Variants in AOPEP observed in about 807,000 individuals in gnomAD.
The protein encoded by AOPEP is aminopeptidase O.
A neutral mutation model predicts 98.1 loss-of-function variants in AOPEP; 77 were observed. The ratio of observed to expected loss-of-function variants is 0.78; its 90% confidence interval spans 0.65 to 0.95. The LOEUF (loss-of-function observed/expected upper bound fraction) is 0.95. Among genes scored for constraint, AOPEP ranks in the 40% least tolerant of loss-of-function variants. The probability of loss-of-function intolerance (pLI) is 0.00; values close to 1 mark genes in which losing one functional copy is unlikely to be tolerated. For synonymous variants in AOPEP, 346 were observed against 365.3 expected (o/e 0.95, Z 0.60); for missense variants, 1,024 against 1,024.7 (o/e 1.00, Z 0.01).
intron 1 of AOPEP, among the ~76,000 whole-genome samples, chr9:94,758,783 T>A (rs1564078221): frequency 6.6e-6 from 1 of 152,202 alleles, no homozygotes; most frequent in South Asian, 2.1e-4. Flanking sequence ...TTTCAAATAA[T>A]TTTTCTTTTA....
the AOPEP span, chr9:95,117,220 C>T: frequency 1.9e-6 from 2 of 1,068,738 alleles, no homozygotes; most frequent in African/African-American, 1.6e-5. Flanking sequence ...CTGTCTCCCT[C>T]ATGCTGTAGA....
chr9:94,926,636 C>T (rs971709043), intron 6 of AOPEP, among the ~76,000 whole-genome samples: 1 of 152,158 alleles, frequency 6.6e-6, no homozygotes, highest in Non-Finnish European at 1.5e-5. Flanking sequence ...GGGGGAGTGC[C>T]CTGTGGGGCA....
intron 1 of AOPEP, among the ~76,000 whole-genome samples, chr9:94,757,499 A>G (rs1051676835): frequency 4.6e-5 from 7 of 152,224 alleles, no homozygotes. Flanking sequence ...GCTTGAGTGG[A>G]TAGGGCTCTA....
intron 5 of AOPEP, among the ~76,000 whole-genome samples, chr9:94,858,186 A>G (rs2044474303): frequency 6.6e-6 from 1 of 152,050 alleles, no homozygotes; most frequent in Non-Finnish European, 1.5e-5. Flanking sequence ...GGCCTAGGGT[A>G]TGTATAGTGG....
intron 4 of AOPEP, among the ~76,000 whole-genome samples, chr9:94,800,496 T>G (rs1488318657): frequency 6.6e-6 from 1 of 152,226 alleles, no homozygotes; most frequent in Non-Finnish European, 1.5e-5. Flanking sequence ...CAACAAAGTT[T>G]ATTCTAAAAC....
chr9:95,086,542 GA>G, intron 16 of AOPEP, 139 bp from the exon 17 acceptor site: 1 of 1,009,106 alleles, frequency 9.9e-7, no homozygotes, highest in Non-Finnish European at 1.2e-6. Flanking sequence ...CCCGGAGACT[GA>G]AATGGGCCTG....
At chr9:95,009,914 TTC>T (rs531382961) in intron 13 of AOPEP, among the ~76,000 whole-genome samples, 13 of 152,174 alleles carry the variant, frequency 8.5e-5, no homozygotes, top group Admixed American at 7.2e-4. Context: ...AAATGATAAA[TTC>T]TGTTTTCCAA....
the AOPEP span, chr9:95,114,605 TG>T: frequency 3.1e-6 from 5 of 1,600,462 alleles, no homozygotes; most frequent in Non-Finnish European, 4.3e-6. Flanking sequence ...GAAGTAGATT[TG>T]GGAGTGGTCA....
intron 13 of AOPEP, among the ~76,000 whole-genome samples, chr9:95,052,099 A>G (rs186422160): frequency 4.5e-4 from 69 of 152,364 alleles, no homozygotes; most frequent in African/African-American, 1.6e-3. Context: ...GTGTTGCTAT[A>G]TAAATTTGCT....
At chr9:94,819,089 A>G (rs1852375343) in intron 5 of AOPEP, among the ~76,000 whole-genome samples, 1 of 152,248 alleles carries the variant, frequency 6.6e-6, no homozygotes, top group South Asian at 2.1e-4. Flanking sequence ...TAGACTATCC[A>G]AGCCCTATTT....
chr9:95,087,704 T>C (rs1019668251), downstream of AOPEP, among the ~76,000 whole-genome samples: 1 of 152,104 alleles, frequency 6.6e-6, no homozygotes, highest in African/African-American at 2.4e-5. Flanking sequence ...TCTGGTGGTA[T>C]GATTTTTCTT....
rs555935952 is a variant in AOPEP at position 94,885,722 on chromosome 9, G to A, written c.1365-38264G>A. Among the ~76,000 whole-genome samples, 233 of 152,248 alleles carry A rather than the reference G, an allele frequency of 1.5e-3. 1 individual carries two copies. Among genetic ancestry groups the A allele is most frequent in the Middle Eastern group, 3.4e-3 (1 of 294 alleles). On this transcript the variant is annotated intron_variant, in intron 5 of 16. Coordinates refer to ENST00000375315, the MANE Select transcript of AOPEP (RefSeq NM_001193329.3). Reference sequence around the variant, plus strand: ...ACATGGTTTTGCATTCTTGGGTTAAGAACCACTGGAATAGACAGATCAAGT... The same window carrying A: ...ACATGGTTTTGCATTCTTGGGTTAAAAACCACTGGAATAGACAGATCAAGT...
At chr9:95,052,331 G>C (rs1170552685) in intron 13 of AOPEP, among the ~76,000 whole-genome samples, 4 of 152,174 alleles carry the variant, frequency 2.6e-5, no homozygotes, top group Non-Finnish European at 5.9e-5. Context: ...TTTTATAGAA[G>C]TTAAAATATA....
the AOPEP span, chr9:95,107,152 CAGG>C: frequency 1.9e-6 from 3 of 1,614,104 alleles, no homozygotes; most frequent in Admixed American, 5.0e-5. Context: ...AGCTGTTGTG[CAGG>C]AGCTCTGAGG....
chr9:95,002,519 AAATATACTAATGC>A (rs1176563328), intron 11 of AOPEP, among the ~76,000 whole-genome samples: 1 of 152,234 alleles, frequency 6.6e-6, no homozygotes, highest in Non-Finnish European at 1.5e-5. Context: ...CAGTTATAAT[AAATATACTAATGC>A]AATATGTTAA....
At chr9:95,130,355 C>G in the AOPEP span, among the ~76,000 whole-genome samples, 1 of 150,500 alleles carries the variant, frequency 6.6e-6, no homozygotes, top group Admixed American at 6.6e-5. Context: ...GAAAACAAAC[C>G]AAAAAGGGAA....
chr9:94,925,507 C>T (rs2054186399), intron 6 of AOPEP, among the ~76,000 whole-genome samples: 1 of 152,278 alleles, frequency 6.6e-6, no homozygotes, highest in African/African-American at 2.4e-5. Flanking sequence ...CAATTCAACA[C>T]TACCCTCCTA....
At chr9:94,910,299 C>T (rs1017757886) in intron 5 of AOPEP, among the ~76,000 whole-genome samples, 2 of 152,214 alleles carry the variant, frequency 1.3e-5, no homozygotes, top group African/African-American at 4.8e-5. Flanking sequence ...CTCTCTCTTA[C>T]CCTGGGCCCT....
intron 10 of AOPEP, among the ~76,000 whole-genome samples, chr9:94,968,364 T>A (rs1172993376): frequency 6.6e-6 from 1 of 152,124 alleles, no homozygotes; most frequent in Non-Finnish European, 1.5e-5. Context: ...TTCTCCTGCC[T>A]CAGCCTCCCA....
Sources: gnomAD v4.1 joint callset for allele counts (sites outside exome capture counted in the v4.1 genomes callset) on GRCh38, gnomAD v4.1.1 for gene constraint, MANE v1.5 for transcripts, NCBI Gene and HGNC (gene_info 2026-07-23, HGNC 2026-07-21) for gene names.